Variants in ATP6V1C2 observed in about 807,000 individuals in gnomAD.
The protein encoded by ATP6V1C2 is ATPase H+ transporting V1 subunit C2.
ATP6V1C2 carries 45 observed loss-of-function variants against 56.8 expected under a neutral mutation model. The observed-to-expected ratio is 0.79, with a 90% CI of 0.62 to 1.02. ATP6V1C2 has a LOEUF of 1.02. ATP6V1C2 is among the 50% of genes least tolerant of loss of function. The pLI, the probability that ATP6V1C2 is intolerant of heterozygous loss-of-function variation, is 0.00. For synonymous variants in ATP6V1C2, 220 were observed against 201.3 expected, an observed-to-expected ratio of 1.09 and a Z score of -0.79; for missense variants, 463 against 519.7, an observed-to-expected ratio of 0.89 and a Z score of 1.06.
At chr2:10,749,872 G>A (rs114104284) in intron 3 of ATP6V1C2, among the ~76,000 whole-genome samples, 3,273 of 152,250 alleles carry the variant, frequency 0.021, 114 homozygotes, top group African/African-American at 0.074. Flanking sequence ...ATGTCCAATA[G>A]TAGAGAATTT....
intron 3 of ATP6V1C2, among the ~76,000 whole-genome samples, chr2:10,736,704 G>T (rs932791676): frequency 1.4e-4 from 21 of 147,834 alleles, no homozygotes; most frequent in African/African-American, 5.2e-4. Flanking sequence ...TTTTTGTTTA[G>T]TTCTGTAATG....
At position 10,777,692 on chromosome 2, in the gene ATP6V1C2, C is replaced by CAG. The variant is rs752793952; in HGVS notation, c.946_947dup (p.Ser316ArgfsTer16). 5.6e-5 allele frequency: 90 copies of CAG among 1,597,018 alleles called. No individual in the cohort carries two copies. In the African/African-American group the frequency reaches 8.9e-4, roughly 16 times the overall value. Reference sequence around the variant, plus strand: ...ATAGGCCTGCTGCGGGGCAGACCGACAGAGAGAGAGAGAGTGAGGGCGAGG... The same window carrying CAG: ...ATAGGCCTGCTGCGGGGCAGACCGACAGAGAGAGAGAGAGAGTGAGGGCGAGG... On this transcript the variant is annotated frameshift_variant, in exon 11 of 14. Coordinates refer to ENST00000272238, the MANE Select transcript of ATP6V1C2 (RefSeq NM_001039362.2). LOFTEE classifies it high-confidence loss of function.
At chr2:10,745,941 C>A (rs1244629295) in intron 3 of ATP6V1C2, among the ~76,000 whole-genome samples, 1 of 152,162 alleles carries the variant, frequency 6.6e-6, no homozygotes, top group East Asian at 1.9e-4. Context: ...TGTCAGAATT[C>A]CCTTCCTTTT....
chr2:10,751,319 T>C (rs752467598), intron 3 of ATP6V1C2, among the ~76,000 whole-genome samples: 3 of 152,080 alleles, frequency 2.0e-5, no homozygotes, highest in South Asian at 2.1e-4. Context: ...CTAGAGCATA[T>C]CTCAAGGTGT....
chr2:10,759,987 T>C (rs1275459319), intron 4 of ATP6V1C2, among the ~76,000 whole-genome samples: 1 of 151,298 alleles, frequency 6.6e-6, no homozygotes, highest in Non-Finnish European at 1.5e-5. Context: ...CATTGGCTTG[T>C]GGTGAAATCA....
chr2:10,735,315 G>A lies in ATP6V1C2; in HGVS notation c.197+8746G>A, dbSNP rs1268795033. On this transcript the variant is annotated intron_variant, in intron 3 of 13. Coordinates refer to ENST00000272238, the MANE Select transcript of ATP6V1C2 (RefSeq NM_001039362.2). ...CTCCCAAGTAGCTGGGATTACAGGC[G>A]TGTGCCACCAGGCCCAGCTAATTTT... is the stretch of plus-strand genomic sequence containing the variant. 4.6e-5 allele frequency among the ~76,000 whole-genome samples: 7 copies of A among 151,756 alleles called. No homozygotes were observed. The East Asian group carries it at 5.9e-4, about 13-fold the overall frequency.
chr2:10,761,348 C>T (rs1399209217), intron 4 of ATP6V1C2, among the ~76,000 whole-genome samples: 1 of 152,006 alleles, frequency 6.6e-6, no homozygotes, highest in Non-Finnish European at 1.5e-5. Flanking sequence ...GGGAGGTGAG[C>T]TTGCCTGTGC....
chr2:10,724,425 T>A (rs1389756475), intron 2 of ATP6V1C2, among the ~76,000 whole-genome samples: 2 of 152,116 alleles, frequency 1.3e-5, no homozygotes, highest in Non-Finnish European at 2.9e-5. Context: ...GTGGCAGCAG[T>A]GGGTTCTGAA....
At chr2:10,721,821 C>T (rs1183963397) in intron 1 of ATP6V1C2, 90 bp downstream of exon 1, 1 of 152,176 alleles carries the variant, frequency 6.6e-6, no homozygotes, top group African/African-American at 2.4e-5. Context: ...CTGCGCTTTC[C>T]CATTGGAAAC....
chr2:10,782,370 C>T lies in ATP6V1C2; in HGVS notation c.1189C>T (p.Leu397=). Reference sequence around the variant, plus strand: ...GGATGAAGTAGCCGCTACAAGTATACTGGATGTAGGTATCCAGAAACAGCA... The same window carrying T: ...GGATGAAGTAGCCGCTACAAGTATATTGGATGTAGGTATCCAGAAACAGCA... The part of the protein sequence containing the change: ...HLDEVAATSI[L]DASVEIPGLQ... The change falls in exon 13 of 14, where the codon CTG becomes TTG. Residue 397 remains leucine (L), a synonymous_variant. Transcript: ENST00000272238. 1 of 1,614,174 alleles carries T rather than the reference C, an allele frequency of 6.2e-7. No individual in the cohort carries two copies. Among genetic ancestry groups the T allele is most frequent in the Non-Finnish European group, 8.5e-7 (1 of 1,180,014 alleles).
At chr2:10,749,004 C>T (rs1276550801) in intron 3 of ATP6V1C2, among the ~76,000 whole-genome samples, 2 of 151,742 alleles carry the variant, frequency 1.3e-5, no homozygotes, top group Non-Finnish European at 2.9e-5. Flanking sequence ...GTGGCAGACA[C>T]CTGTAATCCC....
chr2:10,739,354 T>G (rs1344394029), intron 3 of ATP6V1C2, among the ~76,000 whole-genome samples: 1 of 152,130 alleles, frequency 6.6e-6, no homozygotes, highest in African/African-American at 2.4e-5. Context: ...TCCATGGCTT[T>G]TCTGTGCCCT....
At chr2:10,769,012 G>A (rs1347398545) in intron 6 of ATP6V1C2, among the ~76,000 whole-genome samples, 18 of 152,184 alleles carry the variant, frequency 1.2e-4, no homozygotes, top group Admixed American at 1.2e-3. Context: ...ATCACACCCC[G>A]TGCATGTGCC....
At chr2:10,757,725 G>A (rs1242296821) in intron 4 of ATP6V1C2, among the ~76,000 whole-genome samples, 3 of 152,184 alleles carry the variant, frequency 2.0e-5, no homozygotes, top group Non-Finnish European at 2.9e-5. Flanking sequence ...GGAGTTCAAG[G>A]TGAACTCCTG....
intron 4 of ATP6V1C2, among the ~76,000 whole-genome samples, chr2:10,760,030 G>GTTTTTTGT (rs1553330404): frequency 2.2e-5 from 3 of 133,842 alleles, no homozygotes; most frequent in Admixed American, 2.2e-4. Flanking sequence ...TTTGTTTTTT[G>GTTTTTTGT]TTTTTTTTTT....
At chr2:10,779,931 G>T (rs1457479025) in intron 12 of ATP6V1C2, among the ~76,000 whole-genome samples, 1 of 152,060 alleles carries the variant, frequency 6.6e-6, no homozygotes, top group Admixed American at 6.5e-5. Flanking sequence ...GCCCTGTGTG[G>T]CTGCGTCCCG....
At chr2:10,740,734 T>C (rs913090217) in intron 3 of ATP6V1C2, among the ~76,000 whole-genome samples, 6 of 152,244 alleles carry the variant, frequency 3.9e-5, no homozygotes, top group African/African-American at 1.4e-4. Context: ...TCGCCCAGGC[T>C]GGAGTGCAGT....
intron 3 of ATP6V1C2, among the ~76,000 whole-genome samples, chr2:10,746,569 C>T (rs983674390): frequency 2.0e-5 from 3 of 152,052 alleles, no homozygotes; most frequent in East Asian, 1.9e-4. Flanking sequence ...CCCACCAGCA[C>T]GCCAGGCTAG....
At chr2:10,721,025 C>G (rs1313796527), upstream of ATP6V1C2, 1 of 152,614 alleles carries the variant, frequency 6.6e-6, no homozygotes, top group Non-Finnish European at 1.5e-5. Flanking sequence ...CCCCACCCCC[C>G]ATCCACAGGG....
Sources: gnomAD v4.1 joint callset for allele counts (sites outside exome capture counted in the v4.1 genomes callset) on GRCh38, gnomAD v4.1.1 for gene constraint, MANE v1.5 for transcripts, NCBI Gene and HGNC (gene_info 2026-07-23, HGNC 2026-07-21) for gene names.